SLC35F1: variants seen among roughly 807,000 people sequenced by gnomAD.
SLC35F1 encodes the protein solute carrier family 35 member F1.
Under a neutral mutation model 48.7 loss-of-function variants are expected in SLC35F1, and 14 were observed. The ratio of observed to expected loss-of-function variants is 0.29; its 90% CI spans 0.19 to 0.45. SLC35F1 has a LOEUF of 0.45. Among genes scored for constraint, SLC35F1 ranks in the 20% least tolerant of loss-of-function variants. SLC35F1 has a pLI of 1.00. For missense variants in SLC35F1, 404 were observed against 500.0 expected, an observed-to-expected ratio of 0.81 and a Z score of 1.83; for synonymous variants, 190 against 202.2, an observed-to-expected ratio of 0.94 and a Z score of 0.51.
chr6:117,966,128 A>ACCC (rs1776560909), intron 1 of SLC35F1, among the ~76,000 whole-genome samples: 6 of 17,226 alleles, frequency 3.5e-4, no homozygotes, highest in East Asian at 3.1e-3. Flanking sequence ...AAAGCAGGCC[A>ACCC]CCGCCCCCCC....
chr6:117,944,117 T>G (rs1008961645), intron 1 of SLC35F1, among the ~76,000 whole-genome samples: 2 of 152,240 alleles, frequency 1.3e-5, no homozygotes, highest in African/African-American at 4.8e-5. Context: ...TAATTTTCTG[T>G]AATTATATTT....
chr6:117,944,612 C>T (rs1368841580), intron 1 of SLC35F1, among the ~76,000 whole-genome samples: 3 of 151,802 alleles, frequency 2.0e-5, no homozygotes, highest in Admixed American at 1.3e-4. Context: ...CACACACACA[C>T]ACACACACAC....
intron 6 of SLC35F1, among the ~76,000 whole-genome samples, chr6:118,279,200 G>A (rs747268153): frequency 2.0e-5 from 3 of 152,180 alleles, no homozygotes; most frequent in Non-Finnish European, 4.4e-5. Context: ...TGGTTGAGGT[G>A]ATGGATATCC....
chr6:118,001,841 T>G (rs1014179667), intron 1 of SLC35F1, among the ~76,000 whole-genome samples: 3 of 151,676 alleles, frequency 2.0e-5, no homozygotes, highest in African/African-American at 7.3e-5. Context: ...CCAAAAAACA[T>G]ATGAAAAAAT....
chr6:118,161,918 C>T (rs758401654), intron 2 of SLC35F1, among the ~76,000 whole-genome samples: 4 of 152,216 alleles, frequency 2.6e-5, no homozygotes, highest in Non-Finnish European at 4.4e-5. Context: ...CATATACCAC[C>T]TGTACGTGGG....
intron 1 of SLC35F1, among the ~76,000 whole-genome samples, chr6:118,028,424 G>A (rs1033098299): frequency 1.3e-5 from 2 of 152,022 alleles, no homozygotes; most frequent in Non-Finnish European, 2.9e-5. Context: ...AAATAGAGAT[G>A]GTAAAGATAG....
chr6:118,234,517 C>G (rs984502109), intron 2 of SLC35F1, among the ~76,000 whole-genome samples: 2 of 152,154 alleles, frequency 1.3e-5, no homozygotes, highest in African/African-American at 4.8e-5. Flanking sequence ...CTTCAGATGA[C>G]ACTGCATTCC....
intron 1 of SLC35F1, among the ~76,000 whole-genome samples, chr6:117,944,938 G>A (rs901652825): frequency 5.9e-5 from 9 of 152,068 alleles, no homozygotes; most frequent in Non-Finnish European, 2.9e-5. Flanking sequence ...GGGGGCAGAG[G>A]GCATTTGTTT....
intron 2 of SLC35F1, among the ~76,000 whole-genome samples, chr6:118,182,847 T>C (rs559223405): frequency 6.6e-6 from 1 of 152,338 alleles, no homozygotes; most frequent in South Asian, 2.1e-4. Flanking sequence ...TCAATACTTT[T>C]ATAGACTGAT....
chr6:117,966,367 G>T (rs1181020784), intron 1 of SLC35F1, among the ~76,000 whole-genome samples: 1 of 150,940 alleles, frequency 6.6e-6, no homozygotes, highest in Non-Finnish European at 1.5e-5. Flanking sequence ...CAGAGGCACT[G>T]CCTTTAAGAG....
intron 2 of SLC35F1, among the ~76,000 whole-genome samples, chr6:118,170,919 G>A (rs1236758646): frequency 6.6e-6 from 1 of 152,026 alleles, no homozygotes; most frequent in Non-Finnish European, 1.5e-5. Flanking sequence ...GTTAAATTTT[G>A]TTATTTATCT....
chr6:117,974,195 A>G (rs1310610207), intron 1 of SLC35F1, among the ~76,000 whole-genome samples: 2 of 152,226 alleles, frequency 1.3e-5, no homozygotes, highest in African/African-American at 2.4e-5. Context: ...TATGCCATTA[A>G]GCACTTAGTA....
intron 1 of SLC35F1, among the ~76,000 whole-genome samples, chr6:117,912,055 T>C (rs1176063904): frequency 1.3e-5 from 2 of 152,236 alleles, no homozygotes; most frequent in Admixed American, 1.3e-4. Flanking sequence ...AACAGAAATA[T>C]CTGTGAATTT....
rs1582764270 is a variant in SLC35F1, at chr6:118,274,083, C to T, written c.638-1376C>T. Among the ~76,000 whole-genome samples the T allele has an allele frequency of 4.6e-5, 7 of 152,288 alleles. 1 individual carries two copies. In the South Asian group the frequency reaches 6.2e-4, roughly 14 times the overall value. ...CTGAACAGTGAGAACCCAGGCTCATCGGGGAATCCAGGGCTAAGCTATCAT... is the reference window on the plus strand; with the variant it reads ...CTGAACAGTGAGAACCCAGGCTCATTGGGGAATCCAGGGCTAAGCTATCAT... On this transcript the variant is annotated intron_variant, in intron 4 of 7. Coordinates refer to ENST00000360388, the MANE Select transcript of SLC35F1 (RefSeq NM_001029858.4).
chr6:118,085,609 G>C (rs1045943851), intron 1 of SLC35F1, among the ~76,000 whole-genome samples: 24 of 140,274 alleles, frequency 1.7e-4, no homozygotes, highest in Non-Finnish European at 4.5e-5. Flanking sequence ...CTCCTGAATA[G>C]CTGGGGTTAT....
Position 117,999,465 on chromosome 6 carries a change from G to A in SLC35F1, c.173+91566G>A, listed in dbSNP as rs981734651. 2.6e-6 allele frequency: 4 copies of A among 1,557,250 alleles called. No homozygotes were observed. In the African/African-American group the frequency reaches 4.1e-5, roughly 16 times the overall value. On this transcript the variant is annotated intron_variant, in intron 1 of 7. Transcript: ENST00000360388. The stretch of plus-strand genomic sequence containing the variant: ...TCAGAGTAGATATCTCTGCCAACAT[G>A]AGGACAGAAGGACTGGTGCGACCCC...
intron 1 of SLC35F1, among the ~76,000 whole-genome samples, chr6:118,119,494 G>GCCCCCCCCCCCCCCC (rs369126799): frequency 1.9e-5 from 1 of 52,192 alleles, no homozygotes; most frequent in Non-Finnish European, 4.1e-5. Flanking sequence ...AATAACCGGC[G>GCCCCCCCCCCCCCCC]CCCCCCCTCC....
At chr6:117,964,453 T>A (rs1489945771) in intron 1 of SLC35F1, among the ~76,000 whole-genome samples, 1 of 152,276 alleles carries the variant, frequency 6.6e-6, no homozygotes, top group East Asian at 1.9e-4. Flanking sequence ...CTACTATTTG[T>A]ACACTGTTCT....
At chr6:118,020,775 T>A (rs1283232614) in intron 1 of SLC35F1, among the ~76,000 whole-genome samples, 2 of 152,114 alleles carry the variant, frequency 1.3e-5, no homozygotes, top group East Asian at 3.9e-4. Flanking sequence ...TGGGCTTGAG[T>A]AGGTTCCCCA....
Sources: allele counts gnomAD v4.1 joint callset (sites outside exome capture counted in the v4.1 genomes callset), GRCh38; gene constraint gnomAD v4.1.1; transcripts MANE v1.5; gene names NCBI Gene and HGNC (gene_info 2026-07-23, HGNC 2026-07-21).